LIN9: variants seen among roughly 807,000 people sequenced by gnomAD.
LIN9 encodes the protein protein lin-9 homolog.
In LIN9, 18 loss-of-function variants were observed where a neutral mutation model predicts 78.0. That is an observed-to-expected ratio of 0.23 (90% CI 0.16 to 0.34). The LOEUF (loss-of-function observed/expected upper bound fraction) is 0.34, where lower values mean the gene tolerates loss of function less well. LIN9 is among the 10% of genes least tolerant of loss of function. LIN9 has a pLI of 1.00. For synonymous variants in LIN9, 192 were observed against 215.2 expected (o/e 0.89, Z 0.94); for missense variants, 451 against 644.1 (o/e 0.70, Z 3.25).
intron 10 of LIN9, among the ~76,000 whole-genome samples, chr1:226,257,789 G>GT (rs1275721838): frequency 6.6e-6 from 1 of 152,102 alleles, no homozygotes; most frequent in African/African-American, 2.4e-5. Context: ...ATAGAACATA[G>GT]TAATAAACAC....
chr1:226,303,687 C>T (rs1662710928), intron 1 of LIN9, among the ~76,000 whole-genome samples: 1 of 152,170 alleles, frequency 6.6e-6, no homozygotes, highest in Admixed American at 6.5e-5. Flanking sequence ...CTCACTGCAA[C>T]CTCCACCTCC....
chr1:226,269,027 G>T (rs1014994641), intron 7 of LIN9, among the ~76,000 whole-genome samples: 2 of 152,110 alleles, frequency 1.3e-5, no homozygotes, highest in African/African-American at 4.8e-5. Context: ...TATTATTTAA[G>T]TCCAGCCTAA....
At chr1:226,301,566 T>C (rs139569848) in intron 1 of LIN9, among the ~76,000 whole-genome samples, 178 of 152,194 alleles carry the variant, frequency 1.2e-3, no homozygotes, top group Middle Eastern at 6.8e-3. Context: ...CCGACATCCA[T>C]TGAGGCAAAG....
At chr1:226,308,954 G>A (rs1663098756) in intron 1 of LIN9, 155 bp downstream of exon 1, 2 of 625,290 alleles carry the variant, frequency 3.2e-6, no homozygotes, top group Non-Finnish European at 4.6e-6. Context: ...CGGCGACGCG[G>A]CGGCAACACC....
At chr1:226,249,818 A>T (rs932325456) in intron 11 of LIN9, among the ~76,000 whole-genome samples, 2 of 152,200 alleles carry the variant, frequency 1.3e-5, no homozygotes, top group East Asian at 3.8e-4. Context: ...GCAAGATGTG[A>T]ATTTCATTAC....
chr1:226,275,259 T>G (rs1208067872), intron 7 of LIN9, among the ~76,000 whole-genome samples: 5 of 152,256 alleles, frequency 3.3e-5, no homozygotes, highest in Admixed American at 2.6e-4. Flanking sequence ...TTTGATTTTT[T>G]TCAACCACTT....
intron 6 of LIN9, among the ~76,000 whole-genome samples, chr1:226,279,954 T>C (rs1408824254): frequency 1.3e-5 from 2 of 152,288 alleles, no homozygotes; most frequent in South Asian, 2.1e-4. Context: ...CTAGATCTCA[T>C]AGGGACCAAG....
rs752793701 is a variant in LIN9 at position 226,309,152 on chromosome 1, G to C, written c.-13C>G. 3.6e-6 allele frequency: 5 copies of C among 1,380,110 alleles called. No individual in the cohort carries two copies. The highest frequency in any genetic ancestry group is 4.7e-6 in the Non-Finnish European group (5 of 1,053,592). The allele number at this position is 1,380,110 out of a possible 1,614,324, so 85.5% of individuals were successfully genotyped here. On this transcript the variant is annotated 5_prime_UTR_variant, in exon 1 of 15. Coordinates refer to ENST00000681046, the MANE Select transcript of LIN9 (RefSeq NM_001366245.2). The stretch of plus-strand genomic sequence containing the variant: ...CGAGCTCCGCCATCTTGAACGAGCC[G>C]CGCCGCTTTTTCAAAGGCTGCCCGC...
chr1:226,272,438 G>A (rs1660344688), intron 7 of LIN9, among the ~76,000 whole-genome samples: 1 of 149,158 alleles, frequency 6.7e-6, no homozygotes, highest in Non-Finnish European at 1.5e-5. Flanking sequence ...GGAGTGCAGT[G>A]GCATGATCAT....
Position 226,232,168 on chromosome 1 carries a change from T to C in LIN9, c.*333A>G. ...CATTGCAGCAGTTGTCTGCATGTGT[T>C]GCGGTGAATTCATGCACATTAAAAA... On this transcript the variant is annotated 3_prime_UTR_variant, in exon 15 of 15. Transcript: ENST00000681046. 1 of 399,900 alleles carries C rather than the reference T, an allele frequency of 2.5e-6. No homozygotes were observed. The highest frequency in any genetic ancestry group is 4.4e-6 in the Non-Finnish European group (1 of 226,676). The allele number at this position is 399,900 out of a possible 1,614,324, so 24.8% of individuals were successfully genotyped here.
chr1:226,232,952 G>A, intron 14 of LIN9, 144 bp downstream of exon 14: 1 of 551,838 alleles, frequency 1.8e-6, no homozygotes, highest in Non-Finnish European at 3.2e-6. Flanking sequence ...TCCATAGGCT[G>A]GATATAAGTG....
chr1:226,309,040 C>A, intron 1 of LIN9, 69 bp downstream of exon 1: 1 of 1,291,540 alleles, frequency 7.7e-7, no homozygotes, highest in South Asian at 3.1e-5. Flanking sequence ...GGCCGTCCGT[C>A]CCGGCCGGTG....
intron 2 of LIN9, 86 bp downstream of exon 2, chr1:226,301,087 G>T: frequency 1.1e-6 from 1 of 936,426 alleles, no homozygotes; most frequent in Non-Finnish European, 1.6e-6. Context: ...TCATAACTTA[G>T]AAGGAAAATG....
At chr1:226,303,360 A>T (rs894412518) in intron 1 of LIN9, among the ~76,000 whole-genome samples, 1 of 152,148 alleles carries the variant, frequency 6.6e-6, no homozygotes, top group Admixed American at 6.5e-5. Flanking sequence ...TCGAGTAATG[A>T]TAAGCACTCT....
At chr1:226,238,655 G>A (rs1657900769) in intron 12 of LIN9, among the ~76,000 whole-genome samples, 1 of 151,770 alleles carries the variant, frequency 6.6e-6, no homozygotes. Flanking sequence ...AAATAAAGAA[G>A]AAGAAAAAAC....
At chr1:226,308,171 AATAAC>A (rs1241467489) in intron 1 of LIN9, among the ~76,000 whole-genome samples, 1 of 152,226 alleles carries the variant, frequency 6.6e-6, no homozygotes, top group African/African-American at 2.4e-5. Flanking sequence ...TTTGTAATTA[AATAAC>A]ATATTTGTCT....
chr1:226,309,285 G>T (rs1219192403), upstream of LIN9: 3 of 1,092,740 alleles, frequency 2.7e-6, no homozygotes, highest in Admixed American at 5.4e-5. Context: ...GGCTGAGGCG[G>T]GCCCGGCTCC....
At chr1:226,246,618 TAAA>T (rs759432059) in intron 11 of LIN9, among the ~76,000 whole-genome samples, 3 of 131,524 alleles carry the variant, frequency 2.3e-5, no homozygotes, top group African/African-American at 2.8e-5. Context: ...CCGTCTCTAC[TAAA>T]AAAAAAAAAA....
intron 12 of LIN9, among the ~76,000 whole-genome samples, chr1:226,238,526 TG>T (rs1257536712): frequency 2.0e-5 from 3 of 151,868 alleles, no homozygotes; most frequent in African/African-American, 7.3e-5. Context: ...AGGCTGAGGT[TG>T]GGGGATAGCT....
Sources: gnomAD v4.1 joint callset for allele counts (sites outside exome capture counted in the v4.1 genomes callset) on GRCh38, gnomAD v4.1.1 for gene constraint, MANE v1.5 for transcripts, NCBI Gene and HGNC (gene_info 2026-07-23, HGNC 2026-07-21) for gene names.